Variants in TBC1D13 observed in about 807,000 individuals in gnomAD.
TBC1D13 encodes the protein TBC1 domain family member 13.
Under a neutral mutation model 53.6 loss-of-function variants are expected in TBC1D13, and 40 were observed. The observed-to-expected ratio is 0.75, with a 90% confidence interval of 0.58 to 0.97. TBC1D13 has a LOEUF of 0.97. Among genes scored for constraint, TBC1D13 ranks in the 50% least tolerant of loss-of-function variants. The pLI is 0.00. For missense variants in TBC1D13, 377 were observed against 499.4 expected (o/e 0.75, Z 2.34); for synonymous variants, 182 against 197.7 (o/e 0.92, Z 0.67).
At chr9:128,797,522 G>T (rs887916770) in intron 7 of TBC1D13, among the ~76,000 whole-genome samples, 1 of 152,212 alleles carries the variant, frequency 6.6e-6, no homozygotes, top group Non-Finnish European at 1.5e-5. Flanking sequence ...ATGTGATAGG[G>T]CTGGGCACAG....
intron 10 of TBC1D13, 86 bp from the exon 11 acceptor site, chr9:128,806,168 C>A: frequency 1.1e-5 from 17 of 1,606,090 alleles, no homozygotes; most frequent in Non-Finnish European, 1.4e-5. Flanking sequence ...ACAAACCAAA[C>A]TTGAGGTGGG....
At chr9:128,792,130 T>C (rs1829544298) in intron 5 of TBC1D13, among the ~76,000 whole-genome samples, 1 of 152,240 alleles carries the variant, frequency 6.6e-6, no homozygotes, top group Non-Finnish European at 1.5e-5. Flanking sequence ...AGAGCATCGA[T>C]GAATGAGAGC....
rs1305818803 is a variant in TBC1D13, at chr9:128,808,398, G to GCATCT, written c.*520_*524dup. ...TGTGAATGTGGGCCCAAGTCCCCAG[G>GCATCT]CATCTTCTCCGTGTGTGTGTGTGTG... is the stretch of plus-strand genomic sequence containing the variant. On this transcript the variant is annotated 3_prime_UTR_variant, in exon 12 of 12. Coordinates refer to ENST00000372648, the MANE Select transcript of TBC1D13 (RefSeq NM_018201.5). 8 of 168,312 alleles carry GCATCT rather than the reference G, an allele frequency of 4.8e-5. No individual in the cohort carries two copies. In the East Asian group the frequency reaches 9.8e-4, roughly 21 times the overall value. The allele number at this position is 168,312 out of a possible 1,614,324, so 10.4% of individuals were successfully genotyped here. A position where few individuals can be genotyped will look rare whatever the true frequency, so the allele number is the denominator to read the frequency against.
intron 7 of TBC1D13, among the ~76,000 whole-genome samples, chr9:128,799,348 A>G (rs1454391248): frequency 6.6e-6 from 1 of 152,188 alleles, no homozygotes; most frequent in African/African-American, 2.4e-5. Context: ...GTTTGAGTTA[A>G]AGACCATCTG....
At chr9:128,803,571 T>A in intron 8 of TBC1D13, 111 bp downstream of exon 8, 1 of 999,658 alleles carries the variant, frequency 1.0e-6, no homozygotes, top group Non-Finnish European at 1.5e-6. Context: ...GGAGTTGGCC[T>A]GGATCATCTC....
rs1564421428 is a variant in TBC1D13 at position 128,787,282 on chromosome 9, C to CGGCGGT, written c.-67_-66insTGGCGG. ...AGAGCCCCGCGTCCCTGGGGGGCGGCGGCGGCGGCGGCAGCGCAGGCGGCA... is the reference window on the plus strand; with the variant it reads ...AGAGCCCCGCGTCCCTGGGGGGCGGCGGCGGTGGCGGCGGCGGCAGCGCAGGCGGCA... On this transcript the variant is annotated 5_prime_UTR_variant, in exon 1 of 12. Coordinates refer to ENST00000372648, the MANE Select transcript of TBC1D13 (RefSeq NM_018201.5). The CGGCGGT allele has an allele frequency of 1.6e-6, 2 of 1,245,972 alleles. No homozygotes were observed. The highest frequency in any genetic ancestry group is 2.0e-6 in the Non-Finnish European group (2 of 986,362). The allele number at this position is 1,245,972 out of a possible 1,614,324, so 77.2% of individuals were successfully genotyped here. A position where few individuals can be genotyped will look rare whatever the true frequency, so the allele number is the denominator to read the frequency against.
chr9:128,804,002 C>G lies in TBC1D13; in HGVS notation c.801C>G (p.Ala267=). 2 of 1,613,924 alleles carry G rather than the reference C, an allele frequency of 1.2e-6. No homozygotes were observed. The highest frequency in any genetic ancestry group is 2.2e-5 in the South Asian group (2 of 91,058). ...DTFFCFTNLM[A]EIRDNFIKSL... The stretch of plus-strand genomic sequence containing the variant: ...TTTTCTGCTTCACCAACCTCATGGC[C>G]GAGATCCGGGACAACTTTATCAAGA... The change falls in exon 9 of 12, where the codon GCC becomes GCG. Residue 267 remains alanine, a synonymous_variant. Transcript: ENST00000372648.
At chr9:128,803,761 A>G (rs1426554880) in intron 8 of TBC1D13, among the ~76,000 whole-genome samples, 195 bp from the exon 9 acceptor site, 1 of 152,200 alleles carries the variant, frequency 6.6e-6, no homozygotes, top group African/African-American at 2.4e-5. Flanking sequence ...AATGTACAGT[A>G]TTGCCAGATG....
chr9:128,806,215 C>T (rs751406897), intron 10 of TBC1D13, 39 bp from the exon 11 acceptor site: 1 of 1,613,870 alleles, frequency 6.2e-7, no homozygotes, highest in African/African-American at 1.3e-5. Flanking sequence ...GCACTCAGAG[C>T]ATCCCAGGTC....
At chr9:128,807,599 G>T (rs2900269) in intron 11 of TBC1D13, among the ~76,000 whole-genome samples, 97,095 of 152,000 alleles carry the variant, frequency 0.64, 33,745 homozygotes, top group Non-Finnish European at 0.75. Flanking sequence ...GAGCCTGGGA[G>T]TGGTTGTGTT....
chr9:128,791,788 T>G, intron 5 of TBC1D13, 95 bp downstream of exon 5: 1 of 1,044,392 alleles, frequency 9.6e-7, no homozygotes, highest in Non-Finnish European at 1.5e-6. Flanking sequence ...AGGGGGTAGG[T>G]GCAGTCTGGT....
At chr9:128,790,700 GC>G (rs1027305825) in intron 2 of TBC1D13, 34 bp from the exon 3 acceptor site, 58 of 1,535,160 alleles carry the variant, frequency 3.8e-5, no homozygotes, top group Non-Finnish European at 4.7e-5. Context: ...TGGGACTCTG[GC>G]CTGGGGCATG....
chr9:128,807,493 C>T (rs1229771396), intron 11 of TBC1D13, among the ~76,000 whole-genome samples: 2 of 152,214 alleles, frequency 1.3e-5, no homozygotes, highest in Non-Finnish European at 2.9e-5. Context: ...CAGACACTGG[C>T]CCAGTCCTAC....
At chr9:128,807,266 T>C (rs1047190664) in intron 11 of TBC1D13, among the ~76,000 whole-genome samples, 9 of 152,002 alleles carry the variant, frequency 5.9e-5, no homozygotes, top group African/African-American at 2.2e-4. Context: ...TTTGTACCTT[T>C]AGTAGAGACA....
At chr9:128,790,120 G>C (rs1397523933) in intron 2 of TBC1D13, among the ~76,000 whole-genome samples, 1 of 150,764 alleles carries the variant, frequency 6.6e-6, no homozygotes, top group South Asian at 2.1e-4. Flanking sequence ...AGCCAGGAGT[G>C]GTGGCACACA....
At chr9:128,802,039 G>T (rs1411842748) in intron 7 of TBC1D13, among the ~76,000 whole-genome samples, 2 of 147,810 alleles carry the variant, frequency 1.4e-5, no homozygotes, top group African/African-American at 2.4e-5. Flanking sequence ...GGGATTACAG[G>T]CGTGAGCCAC....
intron 7 of TBC1D13, 128 bp from the exon 8 acceptor site, chr9:128,803,122 C>A: frequency 1.3e-6 from 1 of 765,104 alleles, no homozygotes; most frequent in Non-Finnish European, 2.2e-6. Flanking sequence ...GGTGTAATCA[C>A]GGCTCACTGC....
chr9:128,796,324 A>G (rs955696707), intron 6 of TBC1D13, among the ~76,000 whole-genome samples: 1 of 151,530 alleles, frequency 6.6e-6, no homozygotes, highest in Non-Finnish European at 1.5e-5. Context: ...ATCTCGGCTC[A>G]CTGCAACCTC....
intron 5 of TBC1D13, 115 bp downstream of exon 5, chr9:128,791,808 C>G (rs1171641062): frequency 1.2e-6 from 1 of 825,692 alleles, no homozygotes; most frequent in Non-Finnish European, 2.0e-6. Flanking sequence ...TGTCAGTCCC[C>G]TCTGGACCTC....
Sources: gnomAD v4.1 joint callset for allele counts (sites outside exome capture counted in the v4.1 genomes callset) on GRCh38, gnomAD v4.1.1 for gene constraint, MANE v1.5 for transcripts, NCBI Gene and HGNC (gene_info 2026-07-23, HGNC 2026-07-21) for gene names.